The following SPAG9 variants were observed in gnomAD, a reference collection of about 807,000 sequenced individuals.
SPAG9 encodes the protein C-Jun-amino-terminal kinase-interacting protein 4.
SPAG9 carries 35 observed loss-of-function variants against 166.5 expected under a neutral mutation model. The ratio of observed to expected loss-of-function variants is 0.21; its 90% confidence interval spans 0.16 to 0.28. The LOEUF is 0.28. SPAG9 is among the 10% of genes least tolerant of loss of function. The pLI, the probability that SPAG9 is intolerant of heterozygous loss-of-function variation, is 1.00. For synonymous variants in SPAG9, 534 were observed against 565.5 expected (o/e 0.94, Z 0.79); for missense variants, 1,235 against 1,603.3 (o/e 0.77, Z 3.92).
At chr17:51,061,904 C>T (rs2047529691) in intron 2 of SPAG9, among the ~76,000 whole-genome samples, 1 of 152,112 alleles carries the variant, frequency 6.6e-6, no homozygotes, top group Non-Finnish European at 1.5e-5. Flanking sequence ...CTTACTTTCA[C>T]CTCAGAAATA....
At chr17:50,988,681 G>A (rs1975270085) in intron 21 of SPAG9, among the ~76,000 whole-genome samples, 1 of 152,114 alleles carries the variant, frequency 6.6e-6, no homozygotes, top group African/African-American at 2.4e-5. Context: ...AGCCTCCTGA[G>A]TAGCTGGGAC....
chr17:50,982,758 T>G, intron 24 of SPAG9, 86 bp from the exon 25 acceptor site: 1 of 1,235,008 alleles, frequency 8.1e-7, no homozygotes, highest in East Asian at 2.4e-5. Flanking sequence ...GTTGTATAAT[T>G]AAATTTATTG....
At chr17:51,079,137 G>T (rs1370859917) in intron 2 of SPAG9, among the ~76,000 whole-genome samples, 1 of 151,930 alleles carries the variant, frequency 6.6e-6, no homozygotes, top group African/African-American at 2.4e-5. Context: ...TAGGTCCTAG[G>T]TCTCACTCTT....
intron 4 of SPAG9, chr17:51,046,925 TAA>T: frequency 6.7e-7 from 1 of 1,484,648 alleles, no homozygotes; most frequent in South Asian, 1.2e-5. Flanking sequence ...TCCCCTCCAC[TAA>T]GAGTCCTGGC....
chr17:50,999,526 CT>C, intron 14 of SPAG9, 134 bp downstream of exon 14: 1 of 1,462,288 alleles, frequency 6.8e-7, no homozygotes, highest in Non-Finnish European at 9.1e-7. Context: ...AGTTTAGCTA[CT>C]TAACCATTAC....
intron 1 of SPAG9, among the ~76,000 whole-genome samples, chr17:51,089,634 A>G (rs1254037292): frequency 1.3e-5 from 1 of 74,198 alleles, no homozygotes; most frequent in Non-Finnish European, 2.5e-5. Flanking sequence ...ATATATATAT[A>G]TATATATATA....
At chr17:50,981,505 GA>G (rs1326424384) in intron 25 of SPAG9, among the ~76,000 whole-genome samples, 3 of 149,950 alleles carry the variant, frequency 2.0e-5, no homozygotes, top group Non-Finnish European at 4.5e-5. Context: ...TAGATAGATA[GA>G]TAGATAGATA....
intron 1 of SPAG9, among the ~76,000 whole-genome samples, chr17:51,089,600 G>GTA (rs1359354680): frequency 2.2e-4 from 15 of 67,894 alleles, no homozygotes; most frequent in East Asian, 9.1e-4. Flanking sequence ...CTTATTATAT[G>GTA]TATATATATA....
chr17:51,047,422 C>G lies in SPAG9; in HGVS notation c.543G>C (p.Gln181His). The change falls in exon 4 of 30, where the codon CAG (glutamine) becomes CAC (histidine). Residue 181 changes from glutamine (Q) to histidine (H), a missense_variant. By Grantham distance (24) the Gln-to-His change is conservative. Transcript: ENST00000262013. ...ATTCTAGTTGATCACTCCCTGAGAG[C>G]TGATGAAGTTTTGTTCTTTCTAAAT... ...MEHLERTKLH[Q>H]LSGSDQLEST... 1 of 1,593,798 alleles carries G rather than the reference C, an allele frequency of 6.3e-7. No individual in the cohort carries two copies. Among genetic ancestry groups the G allele is most frequent in the Non-Finnish European group, 8.6e-7 (1 of 1,168,464 alleles).
chr17:51,093,018 T>C (rs1290321683), intron 1 of SPAG9, among the ~76,000 whole-genome samples: 1 of 149,242 alleles, frequency 6.7e-6, no homozygotes, highest in Non-Finnish European at 1.5e-5. Context: ...TATATGGGAG[T>C]TCAAATATAT....
chr17:50,970,961 T>G (rs1973750108), intron 28 of SPAG9, 105 bp from the exon 29 acceptor site: 2 of 906,202 alleles, frequency 2.2e-6, no homozygotes. Flanking sequence ...GGTAAATATA[T>G]TCTAATAACC....
chr17:50,966,776 A>C (rs1319401873), intron 29 of SPAG9, among the ~76,000 whole-genome samples: 3 of 152,250 alleles, frequency 2.0e-5, no homozygotes. Context: ...AGTGTTATAA[A>C]ATGCGTGAGC....
Position 50,966,347 on chromosome 17 carries a change from A to G in SPAG9, c.3891T>C (p.Leu1297=). 6.2e-7 allele frequency: 1 copy of G among 1,613,928 alleles called. No homozygotes were observed. The highest frequency in any genetic ancestry group is 8.5e-7 in the Non-Finnish European group (1 of 1,179,808). Residue 1297 remains leucine (L), a synonymous_variant, in exon 30 of 30, where the codon CTT becomes CTC. Coordinates refer to ENST00000262013, the MANE Select transcript of SPAG9 (RefSeq NM_001130528.3). Reference sequence around the variant, plus strand: ...CTTTGGTGACAGAAGGTTCAAGTGGAAGATCCTCTCCAAGAAGTTCTGATT... The same window carrying G: ...CTTTGGTGACAGAAGGTTCAAGTGGGAGATCCTCTCCAAGAAGTTCTGATT... ...GGESELLGED[L]PLEPSVTKAE... is the part of the protein sequence containing the mutation.
chr17:51,076,373 C>T (rs930910033), intron 2 of SPAG9, among the ~76,000 whole-genome samples: 3 of 151,814 alleles, frequency 2.0e-5, no homozygotes, highest in Admixed American at 6.6e-5. Flanking sequence ...CAGTGAACAG[C>T]GATCCTGCCA....
At chr17:51,046,698 A>G in intron 4 of SPAG9, 1 of 1,535,952 alleles carries the variant, frequency 6.5e-7, no homozygotes, top group South Asian at 1.2e-5. Flanking sequence ...CGAACCAAGG[A>G]GGCCTACACG....
At chr17:51,017,898 GC>G (rs1227263925) in intron 8 of SPAG9, among the ~76,000 whole-genome samples, 13 of 152,138 alleles carry the variant, frequency 8.5e-5, no homozygotes, top group Admixed American at 2.6e-4. Context: ...TAGGGTCTAT[GC>G]TTTTAACCGC....
At chr17:51,053,407 C>T (rs1467019671) in intron 3 of SPAG9, among the ~76,000 whole-genome samples, 1 of 151,706 alleles carries the variant, frequency 6.6e-6, no homozygotes, top group African/African-American at 2.4e-5. Flanking sequence ...CGTGCACTGG[C>T]CAGGAGCGGT....
intron 11 of SPAG9, 31 bp downstream of exon 11, chr17:51,006,054 T>C (rs1356007899): frequency 1.2e-6 from 2 of 1,610,132 alleles, no homozygotes; most frequent in Admixed American, 1.7e-5. Context: ...TGGCAAAGAG[T>C]TTGGTTTAGA....
Position 50,963,683 on chromosome 17 carries a change from GA to G in SPAG9, c.*2588del, listed in dbSNP as rs1295430618. 11 of 152,206 alleles carry G rather than the reference GA, an allele frequency of 7.2e-5. No homozygotes were observed. 9.4% of individuals were successfully genotyped at this position (152,206 alleles called of 1,614,324 possible). A position where few individuals can be genotyped will look rare whatever the true frequency, so the allele number is the denominator to read the frequency against. ...TACATTCAGTCATACAAACATGGCT[GA>G]ACAACAGCAAATGGGATCTGACTCT... On this transcript the variant is annotated 3_prime_UTR_variant, in exon 30 of 30. Transcript: ENST00000262013.
Sources: gnomAD v4.1 joint callset for allele counts (sites outside exome capture counted in the v4.1 genomes callset) on GRCh38, gnomAD v4.1.1 for gene constraint, MANE v1.5 for transcripts, NCBI Gene and HGNC (gene_info 2026-07-23, HGNC 2026-07-21) for gene names.